FILIP1: variants seen among roughly 807,000 people sequenced by gnomAD.
The protein encoded by FILIP1 is filamin-A-interacting protein 1.
In FILIP1, 61 loss-of-function variants were observed where a neutral mutation model predicts 102.1. That is an observed-to-expected ratio of 0.60 (90% CI 0.49 to 0.74). FILIP1 has a LOEUF of 0.74. Among genes scored for constraint, FILIP1 ranks in the 30% least tolerant of loss-of-function variants. The pLI is 0.00. For missense variants in FILIP1, 1,314 were observed against 1,441.2 expected (o/e 0.91, Z 1.43); for synonymous variants, 491 against 526.9 (o/e 0.93, Z 0.93).
intron 2 of FILIP1, among the ~76,000 whole-genome samples, chr6:75,369,230 G>T (rs1775439539): frequency 6.6e-6 from 1 of 152,148 alleles, no homozygotes; most frequent in African/African-American, 2.4e-5. Context: ...AAGACTGCTG[G>T]AAGTGTTTGC....
intron 4 of FILIP1, among the ~76,000 whole-genome samples, chr6:75,329,754 CT>C (rs1774004410): frequency 6.6e-6 from 1 of 151,996 alleles, no homozygotes; most frequent in African/African-American, 2.4e-5. Flanking sequence ...AAGGGCATTA[CT>C]TTTTAATTTT....
intron 4 of FILIP1, among the ~76,000 whole-genome samples, chr6:75,351,375 T>C (rs1054952730): frequency 2.6e-5 from 4 of 152,220 alleles, no homozygotes; most frequent in Non-Finnish European, 5.9e-5. Context: ...AGAATACTTT[T>C]ATATTCATTA....
chr6:75,394,696 C>T (rs951451737), intron 2 of FILIP1, among the ~76,000 whole-genome samples: 8 of 152,108 alleles, frequency 5.3e-5, no homozygotes, highest in African/African-American at 1.9e-4. Flanking sequence ...CAACCTTACT[C>T]ATAAGAGAAA....
At chr6:75,470,333 A>T (rs1230696393) in intron 1 of FILIP1, among the ~76,000 whole-genome samples, 2 of 152,220 alleles carry the variant, frequency 1.3e-5, no homozygotes, top group Non-Finnish European at 2.9e-5. Flanking sequence ...AGTAGTTTGA[A>T]GAAACAGAAT....
intron 1 of FILIP1, among the ~76,000 whole-genome samples, chr6:75,487,683 TGAAA>T (rs1779832980): frequency 6.6e-6 from 1 of 152,238 alleles, no homozygotes; most frequent in East Asian, 1.9e-4. Flanking sequence ...TCTTTTGGCC[TGAAA>T]TCTTCAGCCA....
Position 75,315,016 on chromosome 6 carries a change from A to G in FILIP1, c.816T>C (p.Thr272=), listed in dbSNP as rs374320513. 8.7e-6 allele frequency: 14 copies of G among 1,614,024 alleles called. No homozygotes were observed. The highest frequency in any genetic ancestry group is 1.0e-5 in the Non-Finnish European group (12 of 1,180,000). ...TCTCTTCTTCTTCCCTCAGCTTCTG[A>G]GTAAGATCCTGTACTTTCTGGCTTT... is the stretch of plus-strand genomic sequence containing the variant. ...GLQSQKVQDL[T]QKLREEEEKL... The change falls in exon 5 of 6, where the codon ACT becomes ACC. Residue 272 remains threonine (T), a synonymous_variant. Transcript: ENST00000237172.
chr6:75,378,517 T>C (rs923785417), intron 2 of FILIP1, among the ~76,000 whole-genome samples: 1 of 152,154 alleles, frequency 6.6e-6, no homozygotes, highest in African/African-American at 2.4e-5. Context: ...ATTTAGGGAT[T>C]ACAAATAAAT....
Position 75,471,968 on chromosome 6 carries a change from C to T in FILIP1, c.-7+21446G>A, listed in dbSNP as rs143229406. 2.4e-3 allele frequency among the ~76,000 whole-genome samples: 362 copies of T among 152,140 alleles called. 2 individuals are homozygous for T. Among genetic ancestry groups the T allele is most frequent in the East Asian group, 4.2e-3 (22 of 5,186 alleles). ...TGGAGAGGGGAATAATCAAAGGGTA[C>T]TTCAGCTTGATCTGTAAAGTTATAA... On this transcript the variant is annotated intron_variant, in intron 1 of 5. Coordinates refer to ENST00000237172, the MANE Select transcript of FILIP1 (RefSeq NM_015687.5).
intron 4 of FILIP1, among the ~76,000 whole-genome samples, chr6:75,338,109 G>T (rs1774300319): frequency 6.6e-6 from 1 of 152,110 alleles, no homozygotes; most frequent in Non-Finnish European, 1.5e-5. Context: ...ATAAATAAAA[G>T]GAACTCTCAG....
In FILIP1 at chr6:75,411,791, C is replaced by T. The variant is rs140621404; in HGVS notation, c.276+2906G>A. On this transcript the variant is annotated intron_variant, in intron 2 of 5. Coordinates refer to ENST00000237172, the MANE Select transcript of FILIP1 (RefSeq NM_015687.5). ...CTGGTCTAGATATCTGTTTTGGTAC[C>T]GGTACCATGATGTTTTGGTTCCTGT... is the stretch of plus-strand genomic sequence containing the variant. Among the ~76,000 whole-genome samples the T allele has an allele frequency of 3.5e-4, 53 of 152,170 alleles. No homozygotes were observed. In the East Asian group the frequency reaches 7.9e-3, roughly 23 times the overall value.
At chr6:75,370,696 C>A (rs928148970) in intron 2 of FILIP1, among the ~76,000 whole-genome samples, 1 of 151,460 alleles carries the variant, frequency 6.6e-6, no homozygotes, top group African/African-American at 2.4e-5. Flanking sequence ...CCTGCCTCAG[C>A]CTCCCCAGTA....
chr6:75,387,872 A>G (rs1031324550), intron 2 of FILIP1, among the ~76,000 whole-genome samples: 4 of 152,118 alleles, frequency 2.6e-5, no homozygotes, highest in African/African-American at 9.7e-5. Flanking sequence ...GCTGTGCAGA[A>G]GCTCTTTAGT....
intron 1 of FILIP1, chr6:75,465,135 G>T: frequency 6.0e-6 from 1 of 166,534 alleles, no homozygotes; most frequent in Non-Finnish European, 1.3e-5. Context: ...CAAAATGGCA[G>T]CTACCATGGG....
chr6:75,471,308 A>G (rs879064753), intron 1 of FILIP1, among the ~76,000 whole-genome samples: 3 of 152,120 alleles, frequency 2.0e-5, no homozygotes, highest in Admixed American at 2.0e-4. Context: ...ATAAAGGATT[A>G]GAATCAATAA....
At chr6:75,369,965 CT>C (rs1451425118) in intron 2 of FILIP1, among the ~76,000 whole-genome samples, 1 of 152,188 alleles carries the variant, frequency 6.6e-6, no homozygotes, top group Non-Finnish European at 1.5e-5. Flanking sequence ...CTGCCCTTAC[CT>C]AATGACACCA....
chr6:75,357,167 C>G (rs1034144834), intron 3 of FILIP1: 4 of 152,174 alleles, frequency 2.6e-5, no homozygotes, highest in Non-Finnish European at 5.9e-5. Flanking sequence ...TTTTACTCTG[C>G]CTGTCATACA....
At chr6:75,319,746 T>C (rs1006392944) in intron 4 of FILIP1, 6 of 308,822 alleles carry the variant, frequency 1.9e-5, no homozygotes, top group Admixed American at 8.4e-5. Flanking sequence ...AGGATAATTG[T>C]GTGAACCCGG....
At chr6:75,472,963 T>C (rs754923464) in intron 1 of FILIP1, among the ~76,000 whole-genome samples, 7 of 152,190 alleles carry the variant, frequency 4.6e-5, no homozygotes, top group Non-Finnish European at 1.0e-4. Flanking sequence ...CTCTTAGCCA[T>C]ATTTTTACTT....
At chr6:75,455,367 AT>A (rs773600872) in intron 1 of FILIP1, 5 of 148,244 alleles carry the variant, frequency 3.4e-5, no homozygotes, top group African/African-American at 1.3e-4. Context: ...AAAAAAAAAA[AT>A]AAAATTGTGA....
Sources: gnomAD v4.1 joint callset for allele counts (sites outside exome capture counted in the v4.1 genomes callset) on GRCh38, gnomAD v4.1.1 for gene constraint, MANE v1.5 for transcripts, NCBI Gene and HGNC (gene_info 2026-07-23, HGNC 2026-07-21) for gene names.